The following SORCS1 variants were observed in gnomAD, a reference collection of about 807,000 sequenced individuals.
The protein encoded by SORCS1 is sortilin related VPS10 domain containing receptor 1, also known as VPS10 domain-containing receptor SorCS1.
In SORCS1, 60 loss-of-function variants were observed where a neutral mutation model predicts 146.1. That is an observed-to-expected ratio of 0.41 (90% CI 0.33 to 0.51). The LOEUF is 0.51. Ranked by LOEUF, SORCS1 falls within the 20% of genes least tolerant of loss-of-function variation. The pLI, the probability that SORCS1 is intolerant of heterozygous loss-of-function variation, is 0.21. For missense variants in SORCS1, 1,352 were observed against 1,487.6 expected, an observed-to-expected ratio of 0.91 and a Z score of 1.50; for synonymous variants, 637 against 584.0, an observed-to-expected ratio of 1.09 and a Z score of -1.31.
At chr10:106,832,088 T>C (rs770902291) in intron 2 of SORCS1, among the ~76,000 whole-genome samples, 19 of 152,186 alleles carry the variant, frequency 1.2e-4, no homozygotes, top group Non-Finnish European at 2.1e-4. Context: ...TCTATCTTTT[T>C]CTCCAAAATT....
chr10:107,110,046 C>T (rs965042793), intron 1 of SORCS1, among the ~76,000 whole-genome samples: 1 of 152,158 alleles, frequency 6.6e-6, no homozygotes, highest in South Asian at 2.1e-4. Context: ...CCCAAAAGCT[C>T]CTAATTTCCA....
intron 1 of SORCS1, among the ~76,000 whole-genome samples, chr10:107,036,211 AAT>A (rs1491465421): frequency 7.2e-4 from 95 of 132,484 alleles, no homozygotes; most frequent in African/African-American, 1.8e-3. Context: ...AGCAATAAAA[AAT>A]AATATGAATA....
chr10:106,903,049 T>C (rs1589669639), intron 2 of SORCS1, among the ~76,000 whole-genome samples: 1 of 152,140 alleles, frequency 6.6e-6, no homozygotes, highest in African/African-American at 2.4e-5. Context: ...CTGCACTCCA[T>C]CCTGTGTGAC....
Position 107,056,671 on chromosome 10 carries a change from T to C in SORCS1, c.559-100091A>G, listed in dbSNP as rs575059669. Among the ~76,000 whole-genome samples, 84 of 152,302 alleles carry C rather than the reference T, an allele frequency of 5.5e-4. 1 individual carries two copies. The highest frequency in any genetic ancestry group is 1.0e-3 in the South Asian group (5 of 4,826). Reference sequence around the variant, plus strand: ...TTCTCACTCAACCACTTATAAGTGATAAAAAGCAAGAGGACAAGAAATGGG... The same window carrying C: ...TTCTCACTCAACCACTTATAAGTGACAAAAAGCAAGAGGACAAGAAATGGG... On this transcript the variant is annotated intron_variant, in intron 1 of 25. Transcript: ENST00000263054.
rs78496905 is a variant in SORCS1 at position 106,982,228 on chromosome 10, A to C, written c.559-25648T>G. ...AAAGAAAATATAATCTTTAGACTCA[A>C]CCAAGACTTGATGCCTATGATTTTC... is the stretch of plus-strand genomic sequence containing the variant. On this transcript the variant is annotated intron_variant, in intron 1 of 25. Transcript: ENST00000263054. Among the ~76,000 whole-genome samples the C allele has an allele frequency of 2.0e-3, 310 of 152,352 alleles. 4 individuals carry two copies. Among genetic ancestry groups the C allele is most frequent in the African/African-American group, 7.0e-3 (290 of 41,582 alleles).
At chr10:107,163,499 G>A (rs553456582) in intron 1 of SORCS1, among the ~76,000 whole-genome samples, 23 of 152,130 alleles carry the variant, frequency 1.5e-4, no homozygotes, top group Admixed American at 2.6e-4. Context: ...TAGGAGCTCC[G>A]CATGAAATTA....
chr10:106,776,658 C>G lies in SORCS1; in HGVS notation c.761G>C (p.Ser254Thr). Residue 254 changes from serine to threonine, a missense_variant, in exon 4 of 26, where the codon AGT (serine) becomes ACT (threonine). Around this residue, in one of 3 missense-constraint regions of SORCS1, gnomAD observed 490 missense variants for 489.1 expected, o/e 1.00. Transcript: ENST00000263054. ...CCCTTCATCTGAGCTGATCAATAAA[C>G]TGCTCTCAATCTCCGGGTCTGTGAG... ...MLLTDPEIES[S>T]LLISSDEGAT... is the part of the protein sequence containing the mutation. The G allele has an allele frequency of 6.2e-7, 1 of 1,613,944 alleles. No homozygotes were observed. The highest frequency in any genetic ancestry group is 8.5e-7 in the Non-Finnish European group (1 of 1,179,852).
intron 2 of SORCS1, among the ~76,000 whole-genome samples, chr10:106,852,639 AAAAAAAAAG>A (rs1949635532): frequency 1.3e-5 from 2 of 151,464 alleles, no homozygotes; most frequent in Non-Finnish European, 2.9e-5. Flanking sequence ...AAAAAAAAAA[AAAAAAAAAG>A]AAAGAAAAGA....
At chr10:106,607,816 T>C (rs772169755) in intron 22 of SORCS1, among the ~76,000 whole-genome samples, 1 of 152,098 alleles carries the variant, frequency 6.6e-6, no homozygotes, top group Non-Finnish European at 1.5e-5. Context: ...ACTCTTCAAA[T>C]AGACCCACCA....
At chr10:106,981,279 T>C (rs1564884225) in intron 1 of SORCS1, among the ~76,000 whole-genome samples, 3 of 152,208 alleles carry the variant, frequency 2.0e-5, no homozygotes, top group South Asian at 2.1e-4. Context: ...TTTGTGGTAA[T>C]TGTCTGCCAC....
At chr10:106,993,456 C>G (rs568697261) in intron 1 of SORCS1, among the ~76,000 whole-genome samples, 42 of 152,278 alleles carry the variant, frequency 2.8e-4, no homozygotes, top group Non-Finnish European at 5.6e-4. Context: ...AGATACATGA[C>G]TTAACTATCA....
chr10:106,644,512 G>A (rs1849280627), intron 18 of SORCS1, among the ~76,000 whole-genome samples: 2 of 151,900 alleles, frequency 1.3e-5, no homozygotes, highest in African/African-American at 4.8e-5. Context: ...GATTACAGGT[G>A]CCCACCACCA....
At chr10:106,601,117 A>G (rs1846214983) in intron 23 of SORCS1, among the ~76,000 whole-genome samples, 1 of 152,216 alleles carries the variant, frequency 6.6e-6, no homozygotes, top group Non-Finnish European at 1.5e-5. Flanking sequence ...GGAGTAGAAT[A>G]AACTGCATTC....
At chr10:106,933,245 C>A (rs554321715) in intron 2 of SORCS1, among the ~76,000 whole-genome samples, 1 of 152,300 alleles carries the variant, frequency 6.6e-6, no homozygotes, top group South Asian at 2.1e-4. Context: ...TTCATCGATT[C>A]TCTGTATTTT....
At chr10:106,885,696 C>T (rs1041095271) in intron 2 of SORCS1, among the ~76,000 whole-genome samples, 2 of 151,062 alleles carry the variant, frequency 1.3e-5, no homozygotes, top group Admixed American at 1.3e-4. Context: ...TTGGCTGTGT[C>T]CCCCCCCAAA....
intron 5 of SORCS1, among the ~76,000 whole-genome samples, chr10:106,745,889 C>A (rs773110398): frequency 2.6e-5 from 4 of 152,116 alleles, no homozygotes; most frequent in Admixed American, 2.6e-4. Context: ...ATCTTGTACT[C>A]CTTGATATGA....
intron 6 of SORCS1, among the ~76,000 whole-genome samples, chr10:106,711,791 C>T (rs1031254501): frequency 4.6e-5 from 7 of 152,152 alleles, no homozygotes; most frequent in African/African-American, 1.4e-4. Context: ...TCCTTAAAGA[C>T]AGTTTCTGGG....
At chr10:106,901,256 A>C (rs2138073908) in intron 2 of SORCS1, among the ~76,000 whole-genome samples, 1 of 152,354 alleles carries the variant, frequency 6.6e-6, no homozygotes, top group Admixed American at 6.5e-5. Context: ...AGCCCAATGC[A>C]ATGCACAAAG....
intron 4 of SORCS1, among the ~76,000 whole-genome samples, chr10:106,766,005 G>A (rs890968354): frequency 2.0e-5 from 3 of 152,114 alleles, no homozygotes; most frequent in South Asian, 2.1e-4. Context: ...TTGTGATAAC[G>A]TTTTAAGTCT....
Sources: gnomAD v4.1 joint callset for allele counts (sites outside exome capture counted in the v4.1 genomes callset) on GRCh38, gnomAD v4.1.1 for gene constraint, gnomAD v4.1.1 regional missense constraint, MANE v1.5 for transcripts, NCBI Gene and HGNC (gene_info 2026-07-23, HGNC 2026-07-21) for gene names.